The following MICAL1 variants were observed in gnomAD, a reference collection of about 807,000 sequenced individuals.
MICAL1 encodes the protein [F-actin]-monooxygenase MICAL1.
MICAL1 carries 95 observed loss-of-function variants against 131.8 expected under a neutral mutation model. The ratio of observed to expected loss-of-function variants is 0.72; its 90% CI spans 0.61 to 0.86. MICAL1 has a LOEUF of 0.86. MICAL1 is among the 40% of genes least tolerant of loss of function. The pLI, the probability that MICAL1 is intolerant of heterozygous loss-of-function variation, is 0.00. For missense variants in MICAL1, 1,292 were observed against 1,380.6 expected (o/e 0.94, Z 1.02); for synonymous variants, 546 against 554.2 (o/e 0.99, Z 0.21).
At chr6:109,449,622 C>T (rs1248212199) in intron 10 of MICAL1, 35 bp downstream of exon 10, 2 of 1,588,892 alleles carry the variant, frequency 1.3e-6, no homozygotes, top group East Asian at 2.2e-5. Flanking sequence ...AGGGGGTTGG[C>T]TTGGGAAGGC....
In MICAL1 at chr6:109,452,605, C is replaced by G; in HGVS notation, c.582G>C (p.Trp194Cys). The change falls in exon 5 of 25, where the codon TGG (tryptophan) becomes TGC (cysteine). Residue 194 changes from tryptophan (W) to cysteine (C), a missense_variant. Coordinates refer to ENST00000358807, the MANE Select transcript of MICAL1 (RefSeq NM_022765.4). ...GGGGGTTGGGTTGGAGCTGGGCACGCCAGCCACTCCCTAGGGCAGGGGGTA... is the reference window on the plus strand; with the variant it reads ...GGGGGTTGGGTTGGAGCTGGGCACGGCAGCCACTCCCTAGGGCAGGGGGTA... ...LQPPPRKGSG[W>C]RAQLQPNPPA... 1 of 1,612,342 alleles carries G rather than the reference C, an allele frequency of 6.2e-7. No homozygotes were observed. Among genetic ancestry groups the G allele is most frequent in the East Asian group, 2.2e-5 (1 of 44,856 alleles).
In MICAL1 at chr6:109,446,164, G is replaced by A. The variant is rs1336696862; in HGVS notation, c.2553C>T (p.Gly851=). The change falls in exon 19 of 25, where the codon GGC becomes GGT. Residue 851 remains glycine, a synonymous_variant. Coordinates refer to ENST00000358807, the MANE Select transcript of MICAL1 (RefSeq NM_022765.4). ...ARHALESSFV[G]WGLPVQSPQA... is the part of the protein sequence containing the mutation. The stretch of plus-strand genomic sequence containing the variant: ...GAGGGCTCTGGACTGGCAGGCCCCA[G>A]CCCACAAAGCTGCTCTCCAGGGCGT... 1 of 1,562,580 alleles carries A rather than the reference G, an allele frequency of 6.4e-7. No individual in the cohort carries two copies.
rs368438268 is a variant in MICAL1 at position 109,452,335 on chromosome 6, C to T, written c.743G>A (p.Arg248His). ...CGGCACCTGTGTCTCCTCCACGGTGCGTCCATTCACAAAGTTGGCTGTGAT... is the reference window on the plus strand; with the variant it reads ...CGGCACCTGTGTCTCCTCCACGGTGTGTCCATTCACAAAGTTGGCTGTGAT... The part of the protein sequence containing the change: ...IGITANFVNG[R>H]TVEETQVPEI... The change falls in exon 6 of 25, where the codon CGC (arginine) becomes CAC (histidine). Residue 248 changes from arginine (R) to histidine (H), a missense_variant. Coordinates refer to ENST00000358807, the MANE Select transcript of MICAL1 (RefSeq NM_022765.4). 137 of 1,614,202 alleles carry T rather than the reference C, an allele frequency of 8.5e-5. No individual in the cohort carries two copies. Among genetic ancestry groups the T allele is most frequent in the Admixed American group, 3.7e-4 (22 of 60,030 alleles).
intron 19 of MICAL1, 100 bp downstream of exon 19, chr6:109,446,036 C>G: frequency 6.8e-7 from 1 of 1,479,300 alleles, no homozygotes; most frequent in Non-Finnish European, 8.9e-7. Flanking sequence ...GGCCTGGGAT[C>G]CCCACAACTT....
rs1286873180 is a variant in MICAL1, at chr6:109,444,127, G to T, written c.*64C>A. The T allele has an allele frequency of 2.8e-5, 44 of 1,572,626 alleles. No individual in the cohort carries two copies. The highest frequency in any genetic ancestry group is 3.6e-5 in the Non-Finnish European group (42 of 1,163,836). On this transcript the variant is annotated 3_prime_UTR_variant, in exon 25 of 25. Transcript: ENST00000358807. ...CTGCCAGGCAGCCCAGATGAACAGG[G>T]GTGGCACTGTGCTGGGGTGAGGTGC...
chr6:109,445,070 G>A, intron 22 of MICAL1, 75 bp from the exon 23 acceptor site: 1 of 1,578,730 alleles, frequency 6.3e-7, no homozygotes, highest in Non-Finnish European at 8.7e-7. Context: ...GCTTAGGGGA[G>A]ACAGGAGAGC....
At position 109,453,229 on chromosome 6, in the gene MICAL1, AG is replaced by A. The variant is rs779713214; in HGVS notation, c.571+33del. The A allele has an allele frequency of 2.0e-6, 3 of 1,527,982 alleles. No homozygotes were observed. The Admixed American group carries it at 5.0e-5, about 26-fold the overall frequency. The allele number at this position is 1,527,982 out of a possible 1,614,324, so 94.7% of individuals were successfully genotyped here. A position where few individuals can be genotyped will look rare whatever the true frequency, so the allele number is the denominator to read the frequency against. On this transcript the variant is annotated intron_variant, in intron 4 of 24. Coordinates refer to ENST00000358807, the MANE Select transcript of MICAL1 (RefSeq NM_022765.4). ...ACACTGGCCAAGTTCTTGATGGGGG[AG>A]GGGGAGATTCCAGGGAGCATAGAAA...
At position 109,447,179 on chromosome 6, in the gene MICAL1, C is replaced by A. The variant is rs779158006; in HGVS notation, c.2121G>T (p.Leu707=). The A allele has an allele frequency of 3.1e-6, 5 of 1,614,178 alleles. No homozygotes were observed. The highest frequency in any genetic ancestry group is 4.2e-6 in the Non-Finnish European group (5 of 1,180,006). The stretch of plus-strand genomic sequence containing the variant: ...AATGGCCGTTGACACAGAGGCGTTC[C>A]AGGACATAGAGGTGTTCCCCACAAA... ...CALCGEHLYV[L]ERLCVNGHFF... is the part of the protein sequence containing the mutation. Residue 707 remains leucine, a synonymous_variant, in exon 17 of 25, where the codon CTG becomes CTT. Coordinates refer to ENST00000358807, the MANE Select transcript of MICAL1 (RefSeq NM_022765.4).
rs550619231 is a variant in MICAL1, at chr6:109,446,269, C to T, written c.2448G>A (p.Leu816=). ...GGTCAGGGGTAAGGTTAAGGGAGGA[C>T]AACCGCTGGCGCTCCGGGCTGGAGA... ...IRLSSPERQR[L]SSLNLTPDPE... The change falls in exon 19 of 25, where the codon TTG becomes TTA. Residue 816 remains leucine, a synonymous_variant. Coordinates refer to ENST00000358807, the MANE Select transcript of MICAL1 (RefSeq NM_022765.4). 1 of 1,613,538 alleles carries T rather than the reference C, an allele frequency of 6.2e-7. No homozygotes were observed. Among genetic ancestry groups the T allele is most frequent in the Non-Finnish European group, 8.5e-7 (1 of 1,179,812 alleles).
chr6:109,450,311 A>G lies in MICAL1; in HGVS notation c.1180T>C (p.Cys394Arg). ...ARLLLGLVGDCLVEPFWPLGT... is the reference protein window; with the variant it reads ...ARLLLGLVGDRLVEPFWPLGT... ...CCTGAACCCCTCACCTCCACCAGGC[A>G]GTCCCCCACCAGTCCCAGCAGCAGG... The change falls in exon 8 of 25, where the codon TGC becomes CGC. Residue 394 changes from cysteine (C) to arginine (R), a missense_variant. Coordinates refer to ENST00000358807, the MANE Select transcript of MICAL1 (RefSeq NM_022765.4). 1 of 1,605,224 alleles carries G rather than the reference A, an allele frequency of 6.2e-7. No individual in the cohort carries two copies. The highest frequency in any genetic ancestry group is 8.5e-7 in the Non-Finnish European group (1 of 1,173,450).
upstream of MICAL1, among the ~76,000 whole-genome samples, chr6:109,457,478 A>G (rs1010099651): frequency 1.1e-4 from 17 of 152,068 alleles, no homozygotes; most frequent in Non-Finnish European, 8.8e-5. Context: ...GTGAACTGTC[A>G]CGCTGGAAAC....
In MICAL1 at chr6:109,444,646, G is replaced by T. The variant is rs965880495; in HGVS notation, c.3055+79C>A. ...GGTACACAGACTAGAGCATCATGTT[G>T]CTTGGTCAGTATCTGAGATCATGAG... On this transcript the variant is annotated intron_variant, in intron 24 of 24. Transcript: ENST00000358807. The T allele has an allele frequency of 8.0e-6, 12 of 1,502,746 alleles. No individual in the cohort carries two copies. In the Admixed American group the frequency reaches 1.2e-4, roughly 15 times the overall value. 93.1% of individuals were successfully genotyped at this position (1,502,746 alleles called of 1,614,324 possible).
intron 1 of MICAL1, chr6:109,465,324 G>C (rs1240038914): frequency 3.1e-6 from 1 of 318,708 alleles, no homozygotes; most frequent in Non-Finnish European, 5.8e-6. Flanking sequence ...TGTCTTAGGG[G>C]ACTGGAAATT....
chr6:109,461,908 T>C (rs1273653465), intron 1 of MICAL1, among the ~76,000 whole-genome samples: 1 of 152,174 alleles, frequency 6.6e-6, no homozygotes, highest in Non-Finnish European at 1.5e-5. Flanking sequence ...TTGGGCTCCA[T>C]GTTCTCATCT....
intron 7 of MICAL1, among the ~76,000 whole-genome samples, chr6:109,451,152 C>CTTTTTTT (rs34927673): frequency 7.4e-6 from 1 of 134,492 alleles, no homozygotes; most frequent in Non-Finnish European, 1.6e-5. Flanking sequence ...CAGGGGAGAA[C>CTTTTTTT]TTTTTTTTTT....
At chr6:109,455,876 G>C, upstream of MICAL1, 9 of 985,562 alleles carry the variant, frequency 9.1e-6, no homozygotes, top group African/African-American at 1.7e-5. This position sits in a 1 kb window ranked among gnomAD's most constrained non-coding sequence, Gnocchi z 4.7. Context: ...GAGTCGCGCG[G>C]AGTGTGGGCT....
Position 109,455,181 on chromosome 6 carries a change from G to C in MICAL1, c.-44+538C>G, listed in dbSNP as rs1775697308. On this transcript the variant is annotated intron_variant, in intron 1 of 24. Coordinates refer to ENST00000358807, the MANE Select transcript of MICAL1 (RefSeq NM_022765.4). This position sits in a 1 kb window ranked among gnomAD's most constrained non-coding sequence, Gnocchi z 4.7. ...CTCACGCGGGGCCCAGAAGGTATCA[G>C]AGGGTATGGAGGAGGCGGGTGTCCA... Among the ~76,000 whole-genome samples the C allele has an allele frequency of 6.6e-6, 1 of 152,226 alleles. No individual in the cohort carries two copies. Among genetic ancestry groups the C allele is most frequent in the African/African-American group, 2.4e-5 (1 of 41,464 alleles).
chr6:109,463,503 T>C (rs1775955284), intron 1 of MICAL1: 1 of 152,216 alleles, frequency 6.6e-6, no homozygotes, highest in Non-Finnish European at 1.5e-5. Context: ...CTGTGTCCCA[T>C]GCAACAAGGA....
chr6:109,450,242 C>G, intron 8 of MICAL1, 58 bp downstream of exon 8: 1 of 1,576,756 alleles, frequency 6.3e-7, no homozygotes, highest in Non-Finnish European at 8.6e-7. Context: ...TCCCCTCCTC[C>G]ATACTAGGCA....
Sources: gnomAD v4.1 joint callset for allele counts (sites outside exome capture counted in the v4.1 genomes callset) on GRCh38, gnomAD v4.1.1 for gene constraint, Gnocchi (gnomAD v3.1) non-coding constraint, MANE v1.5 for transcripts, NCBI Gene and HGNC (gene_info 2026-07-23, HGNC 2026-07-21) for gene names.